The following TMEM229B variants were observed in gnomAD, a reference collection of about 807,000 sequenced individuals.
TMEM229B encodes the protein transmembrane protein 229B.
Under a neutral mutation model 13.7 loss-of-function variants are expected in TMEM229B, and 6 were observed. That is an observed-to-expected ratio of 0.44 (90% CI 0.24 to 0.86). TMEM229B has a LOEUF of 0.86. Ranked by LOEUF, TMEM229B falls within the 40% of genes least tolerant of loss-of-function variation. TMEM229B has a pLI of 0.23. For synonymous variants in TMEM229B, 107 were observed against 102.1 expected (o/e 1.05, Z -0.29); for missense variants, 170 against 236.0 (o/e 0.72, Z 1.83).
chr14:67,522,115 G>A (rs2033300560), intron 1 of TMEM229B, among the ~76,000 whole-genome samples: 1 of 152,242 alleles, frequency 6.6e-6, no homozygotes, highest in South Asian at 2.1e-4. Context: ...GGAGGTTGCA[G>A]TGAGCTGAGA....
At chr14:67,503,364 C>T (rs1209823273) in intron 1 of TMEM229B, 1 of 152,158 alleles carries the variant, frequency 6.6e-6, no homozygotes, top group African/African-American at 2.4e-5. Flanking sequence ...ATTAGTTGTG[C>T]AAGTGGATTA....
upstream of TMEM229B, among the ~76,000 whole-genome samples, chr14:67,518,546 C>T (rs1405728983): frequency 6.6e-6 from 1 of 152,230 alleles, no homozygotes; most frequent in African/African-American, 2.4e-5. Flanking sequence ...ATCTCTCTTC[C>T]ACCACCTGGC....
intron 1 of TMEM229B, among the ~76,000 whole-genome samples, chr14:67,498,672 G>A (rs1185965358): frequency 3.3e-5 from 5 of 152,062 alleles, no homozygotes; most frequent in Admixed American, 3.3e-4. Flanking sequence ...GTTGTTGTTG[G>A]TTTTCCTTTT....
At position 67,473,311 on chromosome 14, in the gene TMEM229B, G is replaced by C; in HGVS notation, c.*109C>G. 6.8e-7 allele frequency: 1 copy of C among 1,470,034 alleles called. No individual in the cohort carries two copies. Among genetic ancestry groups the C allele is most frequent in the Non-Finnish European group, 9.2e-7 (1 of 1,081,190 alleles). The allele number at this position is 1,470,034 out of a possible 1,614,324, so 91.1% of individuals were successfully genotyped here. ...GCTCTGTGTGCCCTATAGGGCTGAG[G>C]CTTGGCCGGAGCAGGGCTTTTGCTG... On this transcript the variant is annotated 3_prime_UTR_variant, in exon 3 of 3. Coordinates refer to ENST00000554480, the MANE Select transcript of TMEM229B (RefSeq NM_001348543.2). The surrounding 1 kb of genome is among the most constrained non-coding windows in gnomAD (Gnocchi z 6.5).
At chr14:67,519,566 A>G (rs113462065), upstream of TMEM229B, among the ~76,000 whole-genome samples, 6 of 152,312 alleles carry the variant, frequency 3.9e-5, no homozygotes, top group Non-Finnish European at 5.9e-5. Context: ...GGTACTGCAC[A>G]TCGTGATTAG....
intron 1 of TMEM229B, among the ~76,000 whole-genome samples, chr14:67,493,902 A>AT (rs146063577): frequency 0.19 from 28,881 of 151,650 alleles, 2,897 homozygotes; most frequent in Non-Finnish European, 0.22. Context: ...TTTAAAAATA[A>AT]TTTTTTTTTA....
At chr14:67,525,482 G>A (rs1480294958) in intron 1 of TMEM229B, among the ~76,000 whole-genome samples, 1 of 152,028 alleles carries the variant, frequency 6.6e-6, no homozygotes, top group East Asian at 1.9e-4. Context: ...TTATTTTGCT[G>A]TTATTGCTGC....
chr14:67,482,056 C>A (rs1159085151), intron 2 of TMEM229B, among the ~76,000 whole-genome samples: 2 of 152,192 alleles, frequency 1.3e-5, no homozygotes, highest in Non-Finnish European at 2.9e-5. Flanking sequence ...ATCCGAGAGT[C>A]CTCATACCTG....
At chr14:67,529,462 T>A (rs1415427607) in intron 1 of TMEM229B, among the ~76,000 whole-genome samples, 2 of 152,190 alleles carry the variant, frequency 1.3e-5, no homozygotes, top group Non-Finnish European at 2.9e-5. Flanking sequence ...AGATATTTGT[T>A]AGTGAGTAAC....
intron 1 of TMEM229B, among the ~76,000 whole-genome samples, chr14:67,500,764 G>T (rs1206610163): frequency 6.6e-6 from 1 of 151,320 alleles, no homozygotes; most frequent in East Asian, 2.0e-4. Flanking sequence ...CTAGAGACGG[G>T]GTTTCACCGT....
intron 1 of TMEM229B, among the ~76,000 whole-genome samples, chr14:67,507,544 G>A (rs1594711540): frequency 6.6e-6 from 1 of 151,970 alleles, no homozygotes. Flanking sequence ...GACCTCCCAG[G>A]CTTAAGTGAT....
At chr14:67,506,939 G>A (rs539738039) in intron 1 of TMEM229B, among the ~76,000 whole-genome samples, 52 of 152,206 alleles carry the variant, frequency 3.4e-4, no homozygotes, top group African/African-American at 1.2e-3. Flanking sequence ...AGCTGAGATC[G>A]TGCCACTGCA....
At chr14:67,480,295 C>T in intron 2 of TMEM229B, among the ~76,000 whole-genome samples, 1 of 152,082 alleles carries the variant, frequency 6.6e-6, no homozygotes, top group East Asian at 1.9e-4. Context: ...CCCTGAGCAC[C>T]AAGCTAGCGA....
At chr14:67,478,357 A>G (rs1004300644) in intron 2 of TMEM229B, among the ~76,000 whole-genome samples, 1 of 152,004 alleles carries the variant, frequency 6.6e-6, no homozygotes, top group Non-Finnish European at 1.5e-5. Flanking sequence ...CCACCTCTTA[A>G]ATATCTTTGG....
intron 1 of TMEM229B, among the ~76,000 whole-genome samples, chr14:67,524,780 TG>T (rs1436079292): frequency 3.3e-5 from 5 of 152,202 alleles, no homozygotes; most frequent in African/African-American, 1.2e-4. Flanking sequence ...GTAATTGCTT[TG>T]AAGAGATAAT....
intron 1 of TMEM229B, among the ~76,000 whole-genome samples, chr14:67,505,308 T>C (rs2032778617): frequency 6.6e-6 from 1 of 152,134 alleles, no homozygotes; most frequent in Admixed American, 6.5e-5. Flanking sequence ...CTGGCCCTCC[T>C]GTCAAGCTGG....
intron 1 of TMEM229B, among the ~76,000 whole-genome samples, chr14:67,520,608 C>T (rs573469913): frequency 2.0e-5 from 3 of 152,274 alleles, no homozygotes; most frequent in African/African-American, 7.2e-5. Context: ...TGGTTGCTTG[C>T]AAATTATGGC....
intron 1 of TMEM229B, among the ~76,000 whole-genome samples, chr14:67,512,783 GAA>G (rs1040995431): frequency 2.0e-5 from 3 of 152,084 alleles, no homozygotes; most frequent in African/African-American, 7.2e-5. Flanking sequence ...TGTACACCAG[GAA>G]AAAGCCCACC....
At position 67,498,997 on chromosome 14, in the gene TMEM229B, T is replaced by TTATTTATG. The variant is rs2032502006; in HGVS notation, c.-191-11826_-191-11825insCATAAATA. Among the ~76,000 whole-genome samples the TTATTTATG allele has an allele frequency of 3.3e-5, 5 of 151,306 alleles. No individual in the cohort carries two copies. In the South Asian group the frequency reaches 1.0e-3, roughly 32 times the overall value. ...GCAATGGTTTTATTTATTTATTTATTTATTTATTAGTTATTTAATTTTAGA... is the reference window on the plus strand; with the variant it reads ...GCAATGGTTTTATTTATTTATTTATTTATTTATGTATTTATTAGTTATTTAATTTTAGA... On this transcript the variant is annotated intron_variant, in intron 1 of 2. Transcript: ENST00000357461.
Sources: gnomAD v4.1 joint callset for allele counts (sites outside exome capture counted in the v4.1 genomes callset) on GRCh38, gnomAD v4.1.1 for gene constraint, Gnocchi (gnomAD v3.1) non-coding constraint, MANE v1.5 for transcripts, NCBI Gene and HGNC (gene_info 2026-07-23, HGNC 2026-07-21) for gene names.